CADPS: variants seen among roughly 807,000 people sequenced by gnomAD.
The protein encoded by CADPS is calcium dependent secretion activator, also known as calcium-dependent secretion activator 1.
CADPS carries 57 observed loss-of-function variants against 167.3 expected under a neutral mutation model. That is an observed-to-expected ratio of 0.34 (90% CI 0.28 to 0.42). The LOEUF (loss-of-function observed/expected upper bound fraction) is 0.42. Ranked by LOEUF, CADPS falls within the 20% of genes least tolerant of loss-of-function variation. The pLI is 1.00. For missense variants in CADPS, 1,414 were observed against 1,738.1 expected (o/e 0.81, Z 3.32); for synonymous variants, 676 against 635.3 (o/e 1.06, Z -0.96).
intron 3 of CADPS, among the ~76,000 whole-genome samples, chr3:62,706,721 T>C (rs1280385460): frequency 6.6e-6 from 1 of 152,154 alleles, no homozygotes; most frequent in Non-Finnish European, 1.5e-5. Context: ...TGTGTGTCTG[T>C]ATCCAGATTT....
intron 26 of CADPS, among the ~76,000 whole-genome samples, chr3:62,447,452 T>G (rs920202531): frequency 2.0e-5 from 3 of 152,190 alleles, no homozygotes; most frequent in Non-Finnish European, 2.9e-5. Flanking sequence ...AAATTTTTTT[T>G]TGTGCAATGT....
intron 1 of CADPS, among the ~76,000 whole-genome samples, chr3:62,775,020 G>GT (rs974725840): frequency 8.6e-4 from 129 of 150,676 alleles, no homozygotes; most frequent in African/African-American, 2.5e-3. Context: ...ACCCATAAGT[G>GT]TTTTTTTTTT....
At position 62,495,705 on chromosome 3, in the gene CADPS, G is replaced by A. The variant is rs111520505; in HGVS notation, c.2707-2040C>T. Among the ~76,000 whole-genome samples, 846 of 152,232 alleles carry A rather than the reference G, an allele frequency of 5.6e-3. 5 individuals are homozygous for A. The highest frequency in any genetic ancestry group is 0.019 in the African/African-American group (776 of 41,552). ...ACAATACATATATACATATACATAC[G>A]TATACATAGAGAGAGATTGGGAAGG... On this transcript the variant is annotated intron_variant, in intron 18 of 29. Coordinates refer to ENST00000383710, the MANE Select transcript of CADPS (RefSeq NM_003716.4).
chr3:62,808,889 G>T (rs1347881825), intron 1 of CADPS, among the ~76,000 whole-genome samples: 3 of 151,998 alleles, frequency 2.0e-5, no homozygotes, highest in Non-Finnish European at 2.9e-5. Flanking sequence ...CAGAATTCTG[G>T]ACTTTTCCAT....
At chr3:62,723,200 T>A (rs983771352) in intron 3 of CADPS, among the ~76,000 whole-genome samples, 1 of 152,188 alleles carries the variant, frequency 6.6e-6, no homozygotes, top group African/African-American at 2.4e-5. Flanking sequence ...TTAGCTAAGA[T>A]GAAAAACATT....
At chr3:62,621,705 C>T (rs1228683031) in intron 6 of CADPS, among the ~76,000 whole-genome samples, 1 of 151,692 alleles carries the variant, frequency 6.6e-6, no homozygotes, top group Admixed American at 6.6e-5. Context: ...AGCCTAGTAC[C>T]CTTTAGTTAT....
At chr3:62,460,127 G>T (rs1172842067) in intron 26 of CADPS, among the ~76,000 whole-genome samples, 1 of 152,134 alleles carries the variant, frequency 6.6e-6, no homozygotes. Flanking sequence ...ATGCGACTTT[G>T]ACAAATCACT....
intron 13 of CADPS, among the ~76,000 whole-genome samples, chr3:62,525,426 C>CA (rs369834594): frequency 1.1e-4 from 16 of 152,104 alleles, no homozygotes; most frequent in African/African-American, 3.9e-4. Context: ...CAGCCATGTG[C>CA]AAGGCCTGTA....
chr3:62,871,850 G>C (rs575464220), intron 1 of CADPS, among the ~76,000 whole-genome samples: 2 of 152,244 alleles, frequency 1.3e-5, no homozygotes, highest in African/African-American at 4.8e-5. Flanking sequence ...GGAGTATATA[G>C]GAACTCTCTG....
At chr3:62,764,339 T>C (rs2086304309) in intron 2 of CADPS, among the ~76,000 whole-genome samples, 1 of 152,170 alleles carries the variant, frequency 6.6e-6, no homozygotes, top group Non-Finnish European at 1.5e-5. Flanking sequence ...GCCAAAAAAC[T>C]GTACCACATA....
At chr3:62,869,884 A>C (rs2082314539) in intron 1 of CADPS, among the ~76,000 whole-genome samples, 1 of 152,186 alleles carries the variant, frequency 6.6e-6, no homozygotes, top group South Asian at 2.1e-4. Context: ...TCAACATGAT[A>C]GCTTACGATT....
chr3:62,575,808 C>T (rs544072992), intron 8 of CADPS, among the ~76,000 whole-genome samples: 12 of 152,314 alleles, frequency 7.9e-5, no homozygotes, highest in African/African-American at 2.6e-4. Context: ...TTAAAGGCTT[C>T]CGAATGGGAA....
chr3:62,600,154 CTT>C (rs111790353), intron 6 of CADPS, among the ~76,000 whole-genome samples: 2 of 135,888 alleles, frequency 1.5e-5, no homozygotes, highest in African/African-American at 2.7e-5. Flanking sequence ...TGATTTCTTT[CTT>C]TTTTTTTTTT....
At chr3:62,672,068 C>T (rs1214554200) in intron 3 of CADPS, among the ~76,000 whole-genome samples, 4 of 152,132 alleles carry the variant, frequency 2.6e-5, no homozygotes, top group Admixed American at 2.0e-4. Context: ...GTGTGAGCCA[C>T]CACACCCAGC....
intron 1 of CADPS, among the ~76,000 whole-genome samples, chr3:62,808,774 C>T (rs304222): frequency 6.6e-6 from 1 of 151,850 alleles, no homozygotes; most frequent in African/African-American, 2.4e-5. Context: ...GTATCTCTAG[C>T]CTTGACCTTC....
At chr3:62,624,716 C>G (rs780652245) in intron 6 of CADPS, among the ~76,000 whole-genome samples, 2 of 152,168 alleles carry the variant, frequency 1.3e-5, no homozygotes, top group Non-Finnish European at 2.9e-5. Flanking sequence ...CCTGATGGTA[C>G]TAAGTCTTGG....
At chr3:62,553,768 A>G (rs78515327) in intron 10 of CADPS, among the ~76,000 whole-genome samples, 2,016 of 152,310 alleles carry the variant, frequency 0.013, 33 homozygotes, top group African/African-American at 0.046. Context: ...GAACCAAGAG[A>G]GGAGAAAGCA....
intron 1 of CADPS, among the ~76,000 whole-genome samples, chr3:62,845,326 C>T (rs2077241022): frequency 6.6e-6 from 1 of 152,154 alleles, no homozygotes; most frequent in Non-Finnish European, 1.5e-5. Context: ...AGGTGTTGAA[C>T]AGCCAAAAAT....
At chr3:62,428,296 CTTTTTTTT>C (rs34002756) in intron 28 of CADPS, among the ~76,000 whole-genome samples, 24 of 64,642 alleles carry the variant, frequency 3.7e-4, no homozygotes, top group East Asian at 3.0e-3. Flanking sequence ...GGAAGCAAGA[CTTTTTTTT>C]TTTTTTTTTT....
Sources: gnomAD v4.1 joint callset for allele counts (sites outside exome capture counted in the v4.1 genomes callset) on GRCh38, gnomAD v4.1.1 for gene constraint, MANE v1.5 for transcripts, NCBI Gene and HGNC (gene_info 2026-07-23, HGNC 2026-07-21) for gene names.